TRPM7: variants seen among roughly 807,000 people sequenced by gnomAD.
TRPM7 encodes the protein transient receptor potential cation channel subfamily M member 7.
TRPM7 carries 134 observed loss-of-function variants against 229.7 expected under a neutral mutation model. The observed-to-expected ratio is 0.58, with a 90% CI of 0.51 to 0.67. The LOEUF is 0.67. Ranked by LOEUF, TRPM7 falls within the 30% of genes least tolerant of loss-of-function variation. TRPM7 has a pLI of 0.00. For missense variants in TRPM7, 1,901 were observed against 2,210.0 expected, an observed-to-expected ratio of 0.86 and a Z score of 2.80; for synonymous variants, 699 against 715.2, an observed-to-expected ratio of 0.98 and a Z score of 0.36.
In TRPM7 at chr15:50,648,833, C is replaced by T. The variant is rs2061339387; in HGVS notation, c.175G>A (p.Ala59Thr). The part of the protein sequence containing the change: ...KQHACFTASL[A>T]MKYSDVKLGD... ...AATTTCACATCTGAGTATTTCATGG[C>T]AAGACTTGCAGTAAAACAAGCATGT... The change falls in exon 4 of 39, where the codon GCC becomes ACC. Residue 59 changes from alanine to threonine, a missense_variant. Coordinates refer to ENST00000646667, the MANE Select transcript of TRPM7 (RefSeq NM_017672.6). The T allele has an allele frequency of 1.2e-6, 2 of 1,612,784 alleles. No individual in the cohort carries two copies. The highest frequency in any genetic ancestry group is 1.7e-6 in the Non-Finnish European group (2 of 1,179,300).
chr15:50,644,201 T>C (rs2061191864), intron 4 of TRPM7, among the ~76,000 whole-genome samples: 1 of 152,230 alleles, frequency 6.6e-6, no homozygotes, highest in Admixed American at 6.5e-5. Flanking sequence ...AGTTTAATTT[T>C]TGAAAACATC....
intron 7 of TRPM7, among the ~76,000 whole-genome samples, chr15:50,635,305 A>G (rs1417095236): frequency 8.4e-6 from 1 of 118,742 alleles, no homozygotes; most frequent in Non-Finnish European, 1.7e-5. Flanking sequence ...TGACAGAGCG[A>G]GACTCCCTCA....
chr15:50,561,570 C>A lies in TRPM7; in HGVS notation c.*108G>T. 7.5e-7 allele frequency: 1 copy of A among 1,341,402 alleles called. No homozygotes were observed. Among genetic ancestry groups the A allele is most frequent in the South Asian group, 1.3e-5 (1 of 75,112 alleles). The allele number at this position is 1,341,402 out of a possible 1,614,324, so 83.1% of individuals were successfully genotyped here. On this transcript the variant is annotated 3_prime_UTR_variant, in exon 39 of 39. Transcript: ENST00000646667. Reference sequence around the variant, plus strand: ...ACTGTGCTGGAGTCAGCAAATTCAACTTGCATACACCTTTCTATATTACCA... The same window carrying A: ...ACTGTGCTGGAGTCAGCAAATTCAAATTGCATACACCTTTCTATATTACCA...
rs781421339 is a variant in TRPM7 at position 50,578,629 on chromosome 15, A to T, written c.4618+10T>A. On this transcript the variant is annotated intron_variant, in intron 31 of 38. Coordinates refer to ENST00000646667, the MANE Select transcript of TRPM7 (RefSeq NM_017672.6). ...ATTTTTTTCACGTTCAATCTACCAC[A>T]CAGACTCACCATTTAATGTTCCTTC... is the stretch of plus-strand genomic sequence containing the variant. The T allele has an allele frequency of 2.5e-6, 4 of 1,610,428 alleles. No homozygotes were observed.
At chr15:50,622,044 A>G (rs569717842) in intron 12 of TRPM7, among the ~76,000 whole-genome samples, 1 of 152,244 alleles carries the variant, frequency 6.6e-6, no homozygotes, top group Admixed American at 6.5e-5. Flanking sequence ...AAAACAAAAC[A>G]AAACAAAAAA....
At chr15:50,589,714 A>C in intron 26 of TRPM7, 58 bp from the exon 27 acceptor site, 1 of 1,129,014 alleles carries the variant, frequency 8.9e-7, no homozygotes. Flanking sequence ...CACCGAAATA[A>C]TGGCACTGCT....
At chr15:50,581,811 C>T (rs1483697417) in intron 29 of TRPM7, among the ~76,000 whole-genome samples, 1 of 152,022 alleles carries the variant, frequency 6.6e-6, no homozygotes, top group African/African-American at 2.4e-5. Context: ...TCTCTCAAGG[C>T]CAGTTAGATA....
chr15:50,593,880 T>TATGCTTCTAA, intron 24 of TRPM7, 131 bp from the exon 25 acceptor site: 2 of 851,132 alleles, frequency 2.3e-6, no homozygotes, highest in South Asian at 3.7e-5. Context: ...CTTTTACTAC[T>TATGCTTCTAA]ATGCTTCTAA....
In TRPM7 at chr15:50,669,307, T is replaced by C. The variant is rs2061942761; in HGVS notation, c.4-6261A>G. 2.6e-5 allele frequency among the ~76,000 whole-genome samples: 4 copies of C among 151,844 alleles called. No individual in the cohort carries two copies. The South Asian group carries it at 8.3e-4, about 32-fold the overall frequency. ...AAAATTAGCCAGGCGTGGTGGTGTG[T>C]GCCTGTAATTCCAACTACACAGGAA... On this transcript the variant is annotated intron_variant, in intron 1 of 38. Transcript: ENST00000646667.
At chr15:50,591,803 A>G (rs1376966572) in intron 26 of TRPM7, 108 bp downstream of exon 26, 1 of 833,196 alleles carries the variant, frequency 1.2e-6, no homozygotes, top group Non-Finnish European at 1.7e-6. Context: ...AAAATTTTAT[A>G]ATTATACTCT....
intron 15 of TRPM7, 96 bp from the exon 16 acceptor site, chr15:50,612,925 G>T: frequency 1.8e-6 from 2 of 1,109,446 alleles, no homozygotes; most frequent in South Asian, 1.6e-5. Flanking sequence ...ACATTATTCA[G>T]CTCCATAAAA....
chr15:50,623,152 G>A (rs539869193), intron 12 of TRPM7, among the ~76,000 whole-genome samples: 6 of 151,956 alleles, frequency 3.9e-5, no homozygotes, highest in African/African-American at 9.7e-5. Context: ...AGTGGCTCAC[G>A]CCTGTAATCC....
At chr15:50,635,081 A>T (rs933775931) in intron 7 of TRPM7, among the ~76,000 whole-genome samples, 2 of 150,120 alleles carry the variant, frequency 1.3e-5, no homozygotes, top group African/African-American at 4.9e-5. Flanking sequence ...ACTTTCGGAG[A>T]CCAAGATGGA....
At chr15:50,680,304 G>T (rs1193487559) in intron 1 of TRPM7, among the ~76,000 whole-genome samples, 1 of 152,082 alleles carries the variant, frequency 6.6e-6, no homozygotes, top group Admixed American at 6.6e-5. Flanking sequence ...ACTTTAGGAG[G>T]CCAAGGCAGG....
chr15:50,626,218 A>G (rs1461026745), intron 11 of TRPM7, among the ~76,000 whole-genome samples: 1 of 152,108 alleles, frequency 6.6e-6, no homozygotes, highest in African/African-American at 2.4e-5. Context: ...ATTTTTTATT[A>G]TAAATCATTT....
chr15:50,640,846 G>C (rs957736587), intron 5 of TRPM7, among the ~76,000 whole-genome samples: 3 of 152,144 alleles, frequency 2.0e-5, no homozygotes, highest in Non-Finnish European at 4.4e-5. Context: ...CCATGAGAGG[G>C]AGGACACAGT....
chr15:50,656,831 T>C (rs1256186515), intron 3 of TRPM7, among the ~76,000 whole-genome samples: 1 of 152,176 alleles, frequency 6.6e-6, no homozygotes, highest in African/African-American at 2.4e-5. Context: ...GTAGTTACCA[T>C]GCTCAAATCT....
At chr15:50,634,316 C>A (rs2060823684) in intron 8 of TRPM7, 66 bp downstream of exon 8, 4 of 1,236,074 alleles carry the variant, frequency 3.2e-6, no homozygotes, top group Non-Finnish European at 4.2e-6. Context: ...CACAGCAAGA[C>A]TCCGTATCAA....
chr15:50,678,239 C>CAAAA (rs527874854), intron 1 of TRPM7, among the ~76,000 whole-genome samples: 6 of 92,088 alleles, frequency 6.5e-5, no homozygotes, highest in African/African-American at 1.8e-4. Flanking sequence ...GACTCTCTCT[C>CAAAA]AAAAAAAAAA....
Sources: gnomAD v4.1 joint callset for allele counts (sites outside exome capture counted in the v4.1 genomes callset) on GRCh38, gnomAD v4.1.1 for gene constraint, MANE v1.5 for transcripts, NCBI Gene and HGNC (gene_info 2026-07-23, HGNC 2026-07-21) for gene names.